Variants in HIVEP2 observed in about 807,000 individuals in gnomAD.
The protein encoded by HIVEP2 is transcription factor HIVEP2.
HIVEP2 carries 14 observed loss-of-function variants against 180.7 expected under a neutral mutation model. That is an observed-to-expected ratio of 0.08 (90% CI 0.05 to 0.12). HIVEP2 has a LOEUF of 0.12. Ranked by LOEUF, HIVEP2 falls within the 10% of genes least tolerant of loss-of-function variation. The probability of loss-of-function intolerance (pLI) is 1.00; values close to 1 mark genes in which losing one functional copy is unlikely to be tolerated. For synonymous variants in HIVEP2, 1,184 were observed against 1,136.4 expected, an observed-to-expected ratio of 1.04 and a Z score of -0.84; for missense variants, 2,579 against 3,008.5, an observed-to-expected ratio of 0.86 and a Z score of 3.34.
chr6:142,879,003 T>C (rs1776516446), intron 1 of HIVEP2, among the ~76,000 whole-genome samples: 1 of 152,184 alleles, frequency 6.6e-6, no homozygotes, highest in Non-Finnish European at 1.5e-5. Context: ...TCTATTATGT[T>C]ATTTATAAAC....
At chr6:142,780,335 A>T (rs1196237936) in intron 3 of HIVEP2, among the ~76,000 whole-genome samples, 1 of 152,226 alleles carries the variant, frequency 6.6e-6, no homozygotes, top group African/African-American at 2.4e-5. Flanking sequence ...CTGATCCACA[A>T]TGTCTAGTTT....
At chr6:142,815,364 A>G (rs1358119137) in intron 2 of HIVEP2, among the ~76,000 whole-genome samples, 1 of 152,206 alleles carries the variant, frequency 6.6e-6, no homozygotes, top group Non-Finnish European at 1.5e-5. Flanking sequence ...GGGCAATTGG[A>G]GTCAAGAAAT....
Position 142,774,221 on chromosome 6 carries a change from G to A in HIVEP2, c.518C>T (p.Ala173Val), listed in dbSNP as rs770430006. 14 of 1,614,098 alleles carry A rather than the reference G, an allele frequency of 8.7e-6. No individual in the cohort carries two copies. The highest frequency in any genetic ancestry group is 2.2e-5 in the East Asian group (1 of 44,876). The change falls in exon 5 of 10, where the codon GCA (alanine) becomes GTA (valine). Residue 173 changes from alanine to valine, a missense_variant. By Grantham distance (64) the Ala-to-Val change is moderately conservative (BLOSUM62 0). Transcript: ENST00000367603. The surrounding 1 kb of genome is among the most constrained non-coding windows in gnomAD (Gnocchi z 5.1). Reference sequence around the variant, plus strand: ...GTGCTCTTTCTTGTGAGCCTCTTCTGCCTGTTCAATACTTTTCTGGGAGTA... The same window carrying A: ...GTGCTCTTTCTTGTGAGCCTCTTCTACCTGTTCAATACTTTTCTGGGAGTA... Reference protein sequence around the residue: ...SQYSQKSIEQAEEAHKKEHKP... With the variant: ...SQYSQKSIEQVEEAHKKEHKP...
intron 2 of HIVEP2, among the ~76,000 whole-genome samples, chr6:142,796,931 C>T (rs1259561579): frequency 6.6e-6 from 1 of 152,184 alleles, no homozygotes; most frequent in Non-Finnish European, 1.5e-5. Context: ...TACGGTAGTA[C>T]AGCAGGTACA....
chr6:142,872,112 C>T (rs564194259), intron 1 of HIVEP2, among the ~76,000 whole-genome samples: 1 of 152,270 alleles, frequency 6.6e-6, no homozygotes, highest in Admixed American at 6.5e-5. Context: ...ATGTCTCTCA[C>T]ACATACAAGT....
intron 1 of HIVEP2, among the ~76,000 whole-genome samples, chr6:142,924,966 C>T (rs1209167438): frequency 1.3e-5 from 2 of 152,150 alleles, no homozygotes; most frequent in East Asian, 1.9e-4. Context: ...CTACTAAATA[C>T]TTTCATAGTA....
chr6:142,931,252 G>A (rs551891470), intron 1 of HIVEP2, among the ~76,000 whole-genome samples: 67 of 151,564 alleles, frequency 4.4e-4, no homozygotes, highest in Non-Finnish European at 8.4e-4. Context: ...TATTGTATGC[G>A]TTTAAACTAC....
intron 2 of HIVEP2, among the ~76,000 whole-genome samples, chr6:142,789,947 G>T (rs1044141170): frequency 1.3e-5 from 2 of 151,960 alleles, no homozygotes; most frequent in Non-Finnish European, 2.9e-5. Flanking sequence ...ATGAGTAAAT[G>T]ACAGAAAAAT....
At chr6:142,862,770 A>G (rs1424381918) in intron 1 of HIVEP2, among the ~76,000 whole-genome samples, 5 of 135,506 alleles carry the variant, frequency 3.7e-5, no homozygotes, top group African/African-American at 1.4e-4. Context: ...TATGTAATAT[A>G]TTATATGTAA....
At position 142,771,637 on chromosome 6, in the gene HIVEP2, C is replaced by G; in HGVS notation, c.3102G>C (p.Gln1034His). ...QKEMRRCSSE[Q>H]MPCPHPAEVP... ...CTTCCGCTGGGTGAGGACAAGGCAT[C>G]TGCTCTGATGAGCAGCGTCGCATCT... is the stretch of plus-strand genomic sequence containing the variant. Residue 1034 changes from glutamine (Q) to histidine (H), a missense_variant, in exon 5 of 10, where the codon CAG (glutamine) becomes CAC (histidine). Physicochemically the swap from Gln to His is conservative, Grantham distance 24. This residue lies in a region of HIVEP2 where 523 missense variants were observed against 577.0 expected (regional missense o/e 0.91). Transcript: ENST00000367603. This position sits in a 1 kb window ranked among gnomAD's most constrained non-coding sequence, Gnocchi z 5.4. 1 of 1,614,214 alleles carries G rather than the reference C, an allele frequency of 6.2e-7. No homozygotes were observed. The highest frequency in any genetic ancestry group is 1.1e-5 in the South Asian group (1 of 91,082).
intron 1 of HIVEP2, among the ~76,000 whole-genome samples, chr6:142,874,816 G>C (rs150508667): frequency 6.6e-6 from 1 of 152,226 alleles, no homozygotes; most frequent in East Asian, 1.9e-4. Context: ...GACACGATAA[G>C]AATTAAAACT....
intron 6 of HIVEP2, among the ~76,000 whole-genome samples, chr6:142,766,772 AT>A (rs1043897596): frequency 4.6e-5 from 7 of 152,208 alleles, no homozygotes; most frequent in Admixed American, 4.6e-4. Flanking sequence ...TAATTGATGG[AT>A]TTTGAAAAAC....
At chr6:142,876,986 T>G (rs1036456912) in intron 1 of HIVEP2, among the ~76,000 whole-genome samples, 3 of 152,070 alleles carry the variant, frequency 2.0e-5, no homozygotes, top group African/African-American at 7.2e-5. Context: ...GGGGTTGAGA[T>G]TGCAGTAAGC....
intron 1 of HIVEP2, among the ~76,000 whole-genome samples, chr6:142,911,136 C>T (rs1230564657): frequency 5.5e-5 from 4 of 72,338 alleles, no homozygotes; most frequent in Non-Finnish European, 7.3e-5. Flanking sequence ...AGCACAAACA[C>T]ATTAAAAAAA....
At position 142,769,879 on chromosome 6, in the gene HIVEP2, T is replaced by A; in HGVS notation, c.4860A>T (p.Ala1620=). The A allele has an allele frequency of 6.2e-7, 1 of 1,614,120 alleles. No individual in the cohort carries two copies. The highest frequency in any genetic ancestry group is 8.5e-7 in the Non-Finnish European group (1 of 1,180,032). Residue 1620 remains alanine, a synonymous_variant, in exon 5 of 10, where the codon GCA becomes GCT. Coordinates refer to ENST00000367603, the MANE Select transcript of HIVEP2 (RefSeq NM_006734.4). ...TGTCCGTGAGAAGAAGAGTTGAGTC[T>A]GCCACGTTCCCGCTGGGGGCAGAGG... The part of the protein sequence containing the change: ...RMASAPSGNV[A]DSTLLLTDMA...
intron 9 of HIVEP2, among the ~76,000 whole-genome samples, chr6:142,754,857 C>G (rs1162812853): frequency 2.0e-5 from 3 of 152,132 alleles, no homozygotes; most frequent in Non-Finnish European, 4.4e-5. Context: ...AATTTATTTT[C>G]TATACTGTTT....
At chr6:142,904,241 C>T (rs951259188) in intron 1 of HIVEP2, among the ~76,000 whole-genome samples, 1 of 152,200 alleles carries the variant, frequency 6.6e-6, no homozygotes, top group Non-Finnish European at 1.5e-5. Flanking sequence ...TTGTTCCCCA[C>T]TTGTCACACT....
At chr6:142,851,178 G>A (rs1420418179) in intron 1 of HIVEP2, among the ~76,000 whole-genome samples, 4 of 152,212 alleles carry the variant, frequency 2.6e-5, no homozygotes, top group African/African-American at 9.6e-5. Context: ...GGAAGCAACT[G>A]TAGCCAGCCT....
chr6:142,894,900 C>A (rs1776944216), intron 1 of HIVEP2, among the ~76,000 whole-genome samples: 2 of 152,192 alleles, frequency 1.3e-5, no homozygotes. Flanking sequence ...GACCTTAATT[C>A]ATCTTCACAA....
Sources: allele counts gnomAD v4.1 joint callset (sites outside exome capture counted in the v4.1 genomes callset), GRCh38; gene constraint gnomAD v4.1.1; regional missense constraint gnomAD v4.1.1; non-coding constraint Gnocchi (gnomAD v3.1); transcripts MANE v1.5; gene names NCBI Gene and HGNC (gene_info 2026-07-23, HGNC 2026-07-21).